CNTNAP2: variants seen among roughly 807,000 people sequenced by gnomAD.
CNTNAP2 encodes contactin associated protein 2.
Under a neutral mutation model 155.2 loss-of-function variants are expected in CNTNAP2, and 98 were observed. The ratio of observed to expected loss-of-function variants is 0.63; its 90% CI spans 0.54 to 0.75. CNTNAP2 has a LOEUF of 0.75. Ranked by LOEUF, CNTNAP2 falls within the 30% of genes least tolerant of loss-of-function variation. CNTNAP2 has a pLI of 0.00. For synonymous variants in CNTNAP2, 651 were observed against 631.2 expected, an observed-to-expected ratio of 1.03 and a Z score of -0.47; for missense variants, 1,727 against 1,688.1, an observed-to-expected ratio of 1.02 and a Z score of -0.40.
intron 19 of CNTNAP2, among the ~76,000 whole-genome samples, chr7:148,224,845 A>C (rs557164865): frequency 2.0e-5 from 3 of 152,302 alleles, no homozygotes; most frequent in East Asian, 1.9e-4. Context: ...AGAAGTGCAG[A>C]GCAAAGGAGG....
Position 147,920,805 on chromosome 7 carries a change from C to CTTTTTTTTTT in CNTNAP2, c.2255+17097_2255+17106dup, listed in dbSNP as rs1219556681. 5.0e-5 allele frequency among the ~76,000 whole-genome samples: 5 copies of CTTTTTTTTTT among 100,650 alleles called. 2 individuals carry two copies. Among genetic ancestry groups the CTTTTTTTTTT allele is most frequent in the African/African-American group, 1.6e-4 (4 of 24,390 alleles). The allele number at this position is 100,650 out of a possible 152,430, so 66.0% of individuals were successfully genotyped here. A position where few individuals can be genotyped will look rare whatever the true frequency, so the allele number is the denominator to read the frequency against. ...TTCACGTATGTGCTTCTGCTCCTGTCTTTTTTTTTTTTTTTTTTTTTTGAG... is the reference window on the plus strand; with the variant it reads ...TTCACGTATGTGCTTCTGCTCCTGTCTTTTTTTTTTTTTTTTTTTTTTTTTTTTTTTTGAG... On this transcript the variant is annotated intron_variant, in intron 14 of 23. Coordinates refer to ENST00000361727, the MANE Select transcript of CNTNAP2 (RefSeq NM_014141.6).
chr7:146,996,174 AT>A (rs1196082493), intron 3 of CNTNAP2, among the ~76,000 whole-genome samples: 2 of 151,744 alleles, frequency 1.3e-5, no homozygotes, highest in African/African-American at 2.4e-5. Context: ...TTTTTCCCCC[AT>A]TTTGTGGTCT....
At chr7:148,074,229 CTA>C (rs1172532168) in intron 15 of CNTNAP2, among the ~76,000 whole-genome samples, 1 of 152,126 alleles carries the variant, frequency 6.6e-6, no homozygotes, top group East Asian at 1.9e-4. Context: ...TTGTCTCTTT[CTA>C]TATTCCTTTC....
chr7:147,044,027 A>G lies in CNTNAP2; in HGVS notation c.523A>G (p.Arg175Gly). The G allele has an allele frequency of 1.2e-6, 2 of 1,614,204 alleles. No homozygotes were observed. Among genetic ancestry groups the G allele is most frequent in the Non-Finnish European group, 1.7e-6 (2 of 1,180,022 alleles). ...GAATGGAGAAGGTCGCATTGGACTC[A>G]GAATTGAAGTTTATGGCTGTTCTTA... ...DWNGEGRIGL[R>G]IEVYGCSYWA... Residue 175 changes from arginine to glycine, a missense_variant, in exon 4 of 24, where the codon AGA becomes GGA. Arg to Gly is a moderately radical substitution (Grantham distance 125). Coordinates refer to ENST00000361727, the MANE Select transcript of CNTNAP2 (RefSeq NM_014141.6).
At chr7:146,905,910 C>G (rs980920255) in intron 3 of CNTNAP2, among the ~76,000 whole-genome samples, 2 of 152,184 alleles carry the variant, frequency 1.3e-5, no homozygotes, top group Non-Finnish European at 2.9e-5. Flanking sequence ...CTAGGGAGTG[C>G]CAGACAGTGG....
At chr7:146,469,567 G>T (rs2129126330) in intron 1 of CNTNAP2, among the ~76,000 whole-genome samples, 1 of 147,160 alleles carries the variant, frequency 6.8e-6, no homozygotes, top group Admixed American at 6.9e-5. Context: ...CTGTCACCCA[G>T]GCTAGAGTGC....
At chr7:148,211,315 T>C (rs1427371678) in intron 18 of CNTNAP2, among the ~76,000 whole-genome samples, 2 of 152,152 alleles carry the variant, frequency 1.3e-5, no homozygotes, top group East Asian at 3.9e-4. Context: ...GGAGAGCGCA[T>C]TGGGCGACAG....
At chr7:146,801,858 A>C (rs1436886828) in intron 2 of CNTNAP2, among the ~76,000 whole-genome samples, 1 of 152,206 alleles carries the variant, frequency 6.6e-6, no homozygotes, top group Non-Finnish European at 1.5e-5. Context: ...AGTGAGATGC[A>C]GATGACATAG....
chr7:147,078,023 GAT>G (rs1238520464), intron 4 of CNTNAP2, among the ~76,000 whole-genome samples: 1 of 152,112 alleles, frequency 6.6e-6, no homozygotes, highest in Non-Finnish European at 1.5e-5. Flanking sequence ...TATGACATCT[GAT>G]ATACCTTCCT....
At chr7:146,188,036 G>C (rs368422380) in intron 1 of CNTNAP2, among the ~76,000 whole-genome samples, 63 of 152,220 alleles carry the variant, frequency 4.1e-4, no homozygotes, top group African/African-American at 1.3e-3. Flanking sequence ...TAATATTTTA[G>C]AGTATGTATT....
At chr7:146,356,512 C>T (rs1795000625) in intron 1 of CNTNAP2, among the ~76,000 whole-genome samples, 1 of 152,082 alleles carries the variant, frequency 6.6e-6, no homozygotes, top group African/African-American at 2.4e-5. Flanking sequence ...CAAACATTGA[C>T]ATGAGAACAA....
chr7:147,549,607 G>C (rs1208510325), intron 11 of CNTNAP2, among the ~76,000 whole-genome samples: 1 of 152,126 alleles, frequency 6.6e-6, no homozygotes, highest in African/African-American at 2.4e-5. Flanking sequence ...GCCATTCTTT[G>C]AAGTAAAGGG....
intron 22 of CNTNAP2, among the ~76,000 whole-genome samples, chr7:148,391,649 T>G (rs1799352594): frequency 6.6e-6 from 1 of 152,238 alleles, no homozygotes; most frequent in Non-Finnish European, 1.5e-5. Flanking sequence ...TGCCAGGCAA[T>G]TGCCGTGATT....
chr7:146,773,486 G>A (rs896506102), intron 1 of CNTNAP2, among the ~76,000 whole-genome samples: 4 of 152,102 alleles, frequency 2.6e-5, no homozygotes, highest in Non-Finnish European at 5.9e-5. Context: ...ACCTCTGCCT[G>A]CCAGGTTCAA....
intron 13 of CNTNAP2, among the ~76,000 whole-genome samples, chr7:147,781,749 C>T (rs1797664153): frequency 1.3e-5 from 2 of 152,290 alleles, no homozygotes; most frequent in South Asian, 2.1e-4. Flanking sequence ...TCAGGCCGGG[C>T]GCGGTGGCTC....
intron 17 of CNTNAP2, 119 bp downstream of exon 17, chr7:148,147,828 A>G: frequency 9.8e-7 from 1 of 1,017,956 alleles, no homozygotes. Context: ...TCCAAAAGTA[A>G]AGGTGTTGGC....
chr7:147,673,032 C>A (rs113967323), intron 13 of CNTNAP2: 1 of 151,868 alleles, frequency 6.6e-6, no homozygotes, highest in Non-Finnish European at 1.5e-5. Flanking sequence ...TTTTCATTAA[C>A]AGTCATTTTT....
chr7:147,282,504 A>G (rs559870719), intron 8 of CNTNAP2, among the ~76,000 whole-genome samples: 5 of 151,818 alleles, frequency 3.3e-5, no homozygotes, highest in African/African-American at 4.8e-5. Context: ...ACATTAGGCT[A>G]TTTGAACCAT....
chr7:147,069,055 G>A (rs566937921), intron 4 of CNTNAP2, among the ~76,000 whole-genome samples: 1 of 152,248 alleles, frequency 6.6e-6, no homozygotes, highest in South Asian at 2.1e-4. Context: ...AAAGAGAGAG[G>A]AAGTGCCAGG....
Sources: allele counts gnomAD v4.1 joint callset (sites outside exome capture counted in the v4.1 genomes callset), GRCh38; gene constraint gnomAD v4.1.1; transcripts MANE v1.5; gene names NCBI Gene and HGNC (gene_info 2026-07-23, HGNC 2026-07-21).